Variants in HHIPL1 observed in about 807,000 individuals in gnomAD.
The protein encoded by HHIPL1 is HHIP like 1.
Under a neutral mutation model 61.8 loss-of-function variants are expected in HHIPL1, and 43 were observed. The observed-to-expected ratio is 0.70, with a 90% confidence interval of 0.55 to 0.90. The LOEUF (loss-of-function observed/expected upper bound fraction) is 0.90. Ranked by LOEUF, HHIPL1 falls within the 40% of genes least tolerant of loss-of-function variation. HHIPL1 has a pLI of 0.00. For missense variants in HHIPL1, 1,056 were observed against 1,157.7 expected (o/e 0.91, Z 1.28); for synonymous variants, 482 against 515.8 (o/e 0.93, Z 0.89).
the HHIPL1 span, among the ~76,000 whole-genome samples, chr14:99,618,333 A>G: frequency 2.0e-5 from 3 of 152,152 alleles, no homozygotes; most frequent in Non-Finnish European, 4.4e-5. Flanking sequence ...GGACCCATGG[A>G]AGGTCCACCC....
At chr14:99,661,538 G>A (rs2056154334) in intron 5 of HHIPL1, among the ~76,000 whole-genome samples, 1 of 152,022 alleles carries the variant, frequency 6.6e-6, no homozygotes, top group Non-Finnish European at 1.5e-5. Context: ...CACAGTCTCA[G>A]CTCACTGCAG....
chr14:99,619,411 G>C, the HHIPL1 span, among the ~76,000 whole-genome samples: 1 of 150,186 alleles, frequency 6.7e-6, no homozygotes, highest in South Asian at 2.1e-4. Context: ...GCAGTGGGCC[G>C]AGATCGCACT....
the HHIPL1 span, among the ~76,000 whole-genome samples, chr14:99,613,395 G>A: frequency 2.2e-3 from 327 of 151,070 alleles, 2 homozygotes; most frequent in Non-Finnish European, 4.0e-3. Context: ...GTGCCATCTC[G>A]GCTCACCACA....
intron 6 of HHIPL1, among the ~76,000 whole-genome samples, chr14:99,665,098 A>AT (rs988749158): frequency 9.9e-5 from 15 of 151,262 alleles, no homozygotes; most frequent in Admixed American, 1.3e-4. Context: ...TAATTTTTGT[A>AT]TTTTTTTTAG....
the HHIPL1 span, among the ~76,000 whole-genome samples, chr14:99,608,703 G>C: frequency 6.4e-4 from 98 of 152,304 alleles, no homozygotes; most frequent in Non-Finnish European, 1.1e-3. Flanking sequence ...GGACAATGTT[G>C]ACTGGGCACT....
At chr14:99,655,098 C>T (rs1386529411) in intron 2 of HHIPL1, among the ~76,000 whole-genome samples, 9 of 152,102 alleles carry the variant, frequency 5.9e-5, no homozygotes, top group South Asian at 2.1e-4. Flanking sequence ...TGCCTGAATC[C>T]GCTGTCAGTC....
At chr14:99,654,573 G>A (rs1267703214) in intron 2 of HHIPL1, among the ~76,000 whole-genome samples, 1 of 152,238 alleles carries the variant, frequency 6.6e-6, no homozygotes, top group Non-Finnish European at 1.5e-5. Context: ...TAGAGAGGAG[G>A]TAGGGGGAGG....
chr14:99,621,257 C>A, the HHIPL1 span, among the ~76,000 whole-genome samples: 1 of 152,180 alleles, frequency 6.6e-6, no homozygotes, highest in Non-Finnish European at 1.5e-5. Context: ...TACCACCATG[C>A]CTGGCTAATT....
the HHIPL1 span, among the ~76,000 whole-genome samples, chr14:99,638,103 T>A: frequency 3.3e-5 from 5 of 152,210 alleles, no homozygotes; most frequent in Admixed American, 6.5e-5. Context: ...TAAGGATGTT[T>A]ACGAAGGCTG....
At chr14:99,620,212 G>T in the HHIPL1 span, among the ~76,000 whole-genome samples, 1 of 152,212 alleles carries the variant, frequency 6.6e-6, no homozygotes, top group South Asian at 2.1e-4. Flanking sequence ...AACAAGAAAA[G>T]AGTCCCTCAG....
rs1011190698 is a variant in HHIPL1, at chr14:99,660,148, C to T, written c.1376-132C>T. 3.0e-5 allele frequency: 34 copies of T among 1,118,840 alleles called. No homozygotes were observed. Among genetic ancestry groups the T allele is most frequent in the East Asian group, 5.1e-5 (2 of 38,884 alleles). 69.3% of individuals were successfully genotyped at this position (1,118,840 alleles called of 1,614,324 possible). On this transcript the variant is annotated intron_variant, in intron 4 of 8. Coordinates refer to ENST00000330710, the MANE Select transcript of HHIPL1 (RefSeq NM_001127258.3). This position sits in a 1 kb window ranked among gnomAD's most constrained non-coding sequence, Gnocchi z 4.9. ...CACCACGCCAGCCCTGCTGTGGGCA[C>T]GCCAGCCCTGCTGTGGGCACGCCCC... is the stretch of plus-strand genomic sequence containing the variant.
rs1475973685 is a variant in HHIPL1 at position 99,659,539 on chromosome 14, C to T, written c.1158C>T (p.Pro386=). The change falls in exon 4 of 9, where the codon CCC becomes CCT. Residue 386 remains proline (P), a synonymous_variant. Coordinates refer to ENST00000330710, the MANE Select transcript of HHIPL1 (RefSeq NM_001127258.3). ...NPFVGDPAAQ[P]EVYALGVRNM... ...TCGTGGGCGACCCCGCGGCGCAGCC[C>T]GAGGTCTACGCCCTGGGCGTGCGCA... The T allele has an allele frequency of 6.5e-7, 1 of 1,545,778 alleles. No homozygotes were observed. Among genetic ancestry groups the T allele is most frequent in the Non-Finnish European group, 8.7e-7 (1 of 1,149,524 alleles).
At chr14:99,647,303 T>C (rs752630067) in intron 1 of HHIPL1, among the ~76,000 whole-genome samples, 2 of 152,160 alleles carry the variant, frequency 1.3e-5, no homozygotes, top group Non-Finnish European at 2.9e-5. Flanking sequence ...GCCAAGCGTC[T>C]GCCTCCCTCA....
the HHIPL1 span, among the ~76,000 whole-genome samples, chr14:99,618,575 C>T: frequency 2.0e-5 from 3 of 152,246 alleles, no homozygotes; most frequent in African/African-American, 2.4e-5. Context: ...CTGAACTGTG[C>T]GTACAGCCAC....
In HHIPL1 at chr14:99,646,822, GATATGATATGATATA is replaced by G. The variant is rs754245493; in HGVS notation, c.255+1365_255+1379del. ...GATATGATATGATATGATATGATATGATATGATATGATATAATATAATATAATATAATATAATATG... is the reference window on the plus strand; with the variant it reads ...GATATGATATGATATGATATGATATGATATAATATAATATAATATAATATG... On this transcript the variant is annotated intron_variant, in intron 1 of 8. Coordinates refer to ENST00000330710, the MANE Select transcript of HHIPL1 (RefSeq NM_001127258.3). 4.8e-3 allele frequency among the ~76,000 whole-genome samples: 425 copies of G among 89,444 alleles called. 2 individuals carry two copies. The highest frequency in any genetic ancestry group is 0.022 in the Admixed American group (225 of 10,330). The allele number at this position is 89,444 out of a possible 152,430, so 58.7% of individuals were successfully genotyped here. A position where few individuals can be genotyped will look rare whatever the true frequency, so the allele number is the denominator to read the frequency against.
the HHIPL1 span, among the ~76,000 whole-genome samples, chr14:99,618,238 C>T: frequency 2.0e-5 from 3 of 152,200 alleles, no homozygotes; most frequent in East Asian, 5.8e-4. Context: ...TGGGGCTGCA[C>T]AAGACTTGGC....
intron 2 of HHIPL1, among the ~76,000 whole-genome samples, chr14:99,654,460 C>G (rs960674120): frequency 2.6e-5 from 4 of 152,210 alleles, no homozygotes; most frequent in African/African-American, 9.6e-5. Flanking sequence ...GTGCTCCTCC[C>G]TCTCCAGGCT....
intron 5 of HHIPL1, among the ~76,000 whole-genome samples, chr14:99,661,137 G>A (rs1191826876): frequency 1.3e-4 from 1 of 7,640 alleles, no homozygotes; most frequent in African/African-American, 1.5e-4. Flanking sequence ...GGAGCCTCGT[G>A]ACCACCTTGT....
At chr14:99,616,333 C>A in the HHIPL1 span, among the ~76,000 whole-genome samples, 1 of 152,204 alleles carries the variant, frequency 6.6e-6, no homozygotes, top group Non-Finnish European at 1.5e-5. Flanking sequence ...ACACATTTCC[C>A]AGATCATATC....
Sources: allele counts gnomAD v4.1 joint callset (sites outside exome capture counted in the v4.1 genomes callset), GRCh38; gene constraint gnomAD v4.1.1; non-coding constraint Gnocchi (gnomAD v3.1); transcripts MANE v1.5; gene names NCBI Gene and HGNC (gene_info 2026-07-23, HGNC 2026-07-21).